The following SDHB variants were observed in gnomAD, a reference collection of about 807,000 sequenced individuals.
The protein encoded by SDHB is succinate dehydrogenase [ubiquinone] iron-sulfur subunit, mitochondrial.
In SDHB, 21 loss-of-function variants were observed where a neutral mutation model predicts 39.7. That is an observed-to-expected ratio of 0.53 (90% CI 0.37 to 0.76). The LOEUF (loss-of-function observed/expected upper bound fraction) is 0.76. SDHB is among the 30% of genes least tolerant of loss of function. SDHB has a pLI of 0.00. For synonymous variants in SDHB, 118 were observed against 117.0 expected, an observed-to-expected ratio of 1.01 and a Z score of -0.06; for missense variants, 343 against 350.9, an observed-to-expected ratio of 0.98 and a Z score of 0.18.
intron 2 of SDHB, among the ~76,000 whole-genome samples, chr1:17,041,630 C>A (rs1437903285): frequency 6.6e-6 from 1 of 151,790 alleles, no homozygotes; most frequent in African/African-American, 2.4e-5. Context: ...CCACTGTACT[C>A]CAGTCCAGGT....
chr1:17,022,815 G>C, intron 6 of SDHB, 85 bp from the exon 7 acceptor site: 1 of 1,522,974 alleles, frequency 6.6e-7, no homozygotes, highest in Non-Finnish European at 8.9e-7. Flanking sequence ...TGGGAGTGCA[G>C]AGGAAAGGGA....
chr1:17,025,453 T>C (rs2077986486), intron 5 of SDHB, among the ~76,000 whole-genome samples: 2 of 150,812 alleles, frequency 1.3e-5, no homozygotes, highest in Admixed American at 1.3e-4. Context: ...TGTGTGCCCC[T>C]GGCTGGAGTG....
chr1:17,026,567 G>A (rs768385171), intron 5 of SDHB, among the ~76,000 whole-genome samples: 8 of 151,796 alleles, frequency 5.3e-5, no homozygotes, highest in Non-Finnish European at 8.8e-5. Flanking sequence ...GTTTTATCAC[G>A]TTGGCCAGGC....
chr1:17,046,102 C>T (rs573709110), intron 1 of SDHB, among the ~76,000 whole-genome samples: 1 of 152,242 alleles, frequency 6.6e-6, no homozygotes, highest in East Asian at 1.9e-4. Context: ...ATACAAACAT[C>T]AGCTAACAGT....
intron 7 of SDHB, among the ~76,000 whole-genome samples, chr1:17,020,425 C>T (rs756697436): frequency 2.6e-5 from 4 of 152,156 alleles, no homozygotes; most frequent in Non-Finnish European, 5.9e-5. Flanking sequence ...GTTTCATGAT[C>T]GGCCTATGTC....
At chr1:17,036,110 C>G (rs530970529) in intron 2 of SDHB, among the ~76,000 whole-genome samples, 4 of 152,112 alleles carry the variant, frequency 2.6e-5, no homozygotes, top group East Asian at 1.9e-4. Context: ...TTTTTAGAAT[C>G]AACTTGTCAA....
chr1:17,042,324 T>C (rs2078085643), intron 2 of SDHB, among the ~76,000 whole-genome samples: 1 of 152,208 alleles, frequency 6.6e-6, no homozygotes, highest in African/African-American at 2.4e-5. Flanking sequence ...TCCCCTCCAA[T>C]GTCTGCCCAC....
In SDHB at chr1:17,051,075, G is replaced by A. The variant is rs149788931; in HGVS notation, c.72+2873C>T. ...AGTGGTGAAAACGCAAACATAAAAC[G>A]CAACAGTGCAAAAAGATAATTCCAT... On this transcript the variant is annotated intron_variant, in intron 1 of 7. Coordinates refer to ENST00000375499, the MANE Select transcript of SDHB (RefSeq NM_003000.3). 2.5e-3 allele frequency among the ~76,000 whole-genome samples: 386 copies of A among 152,258 alleles called. 1 individual carries two copies. Among genetic ancestry groups the A allele is most frequent in the African/African-American group, 9.0e-3 (373 of 41,540 alleles).
chr1:17,036,941 A>G (rs1265664309), intron 2 of SDHB, among the ~76,000 whole-genome samples: 1 of 151,928 alleles, frequency 6.6e-6, no homozygotes, highest in Non-Finnish European at 1.5e-5. Context: ...TACAAGTGTG[A>G]GCCACCATGC....
chr1:17,034,312 T>G (rs767121185), intron 2 of SDHB, among the ~76,000 whole-genome samples: 1 of 151,554 alleles, frequency 6.6e-6, no homozygotes, highest in Non-Finnish European at 1.5e-5. Flanking sequence ...ACATCCAGCT[T>G]AATTTTTGTA....
Position 17,035,560 on chromosome 1 carries a change from A to C in SDHB, c.201-2415T>G, listed in dbSNP as rs550217045. On this transcript the variant is annotated intron_variant, in intron 2 of 7. Transcript: ENST00000375499. ...AGGCTAATATTTGCAGCCTATAAAA[A>C]TTTCAAATTGGCCAGGTGGGTGGCT... is the stretch of plus-strand genomic sequence containing the variant. 3.9e-5 allele frequency among the ~76,000 whole-genome samples: 6 copies of C among 152,238 alleles called. No homozygotes were observed. In the South Asian group the frequency reaches 1.2e-3, roughly 32 times the overall value.
At chr1:17,029,093 G>GTTTTTTTTTTTTTTTTT (rs746243819) in intron 3 of SDHB, among the ~76,000 whole-genome samples, 2 of 72,030 alleles carry the variant, frequency 2.8e-5, no homozygotes, top group Non-Finnish European at 4.8e-5. Context: ...AAATCAGCCT[G>GTTTTTTTTTTTTTTTTT]TTTTTTTTTT....
chr1:17,029,346 C>T (rs2078010664), intron 3 of SDHB, among the ~76,000 whole-genome samples: 1 of 151,656 alleles, frequency 6.6e-6, no homozygotes, highest in Non-Finnish European at 1.5e-5. Context: ...TGGGCTTGAA[C>T]TGCTGGGCTC....
chr1:17,030,049 A>G (rs1053283171), intron 3 of SDHB, among the ~76,000 whole-genome samples: 1 of 152,104 alleles, frequency 6.6e-6, no homozygotes, highest in Non-Finnish European at 1.5e-5. Context: ...TAAAAATATA[A>G]GTCGTGGTGG....
intron 1 of SDHB, among the ~76,000 whole-genome samples, chr1:17,049,749 A>G (rs60698624): frequency 0.28 from 39,160 of 140,504 alleles, 5,931 homozygotes; most frequent in East Asian, 0.64. Context: ...GGGTTCAAGC[A>G]ATTCTCCTGC....
intron 2 of SDHB, among the ~76,000 whole-genome samples, chr1:17,041,530 C>T (rs748762967): frequency 2.0e-5 from 3 of 151,682 alleles, no homozygotes; most frequent in South Asian, 2.1e-4. Context: ...CGGTGTGTGA[C>T]GCGCGCCTGT....
intron 7 of SDHB, among the ~76,000 whole-genome samples, chr1:17,019,750 A>G (rs981284386): frequency 7.2e-5 from 11 of 152,286 alleles, no homozygotes; most frequent in African/African-American, 2.4e-4. Flanking sequence ...AAGAAAAAAT[A>G]TATATTTTTT....
intron 1 of SDHB, among the ~76,000 whole-genome samples, chr1:17,046,354 A>G (rs1570958976): frequency 6.7e-6 from 1 of 150,008 alleles, no homozygotes; most frequent in African/African-American, 2.5e-5. Flanking sequence ...TTAATGTCCC[A>G]TTTTTTTTTT....
intron 6 of SDHB, 72 bp from the exon 7 acceptor site, chr1:17,022,802 C>T (rs2077969609): frequency 6.4e-7 from 1 of 1,560,806 alleles, no homozygotes; most frequent in African/African-American, 1.4e-5. Context: ...CAACTCAAAG[C>T]TCTGGGAGTG....
Sources: allele counts gnomAD v4.1 joint callset (sites outside exome capture counted in the v4.1 genomes callset), GRCh38; gene constraint gnomAD v4.1.1; transcripts MANE v1.5; gene names NCBI Gene and HGNC (gene_info 2026-07-23, HGNC 2026-07-21).